The following PDE6B variants were observed in gnomAD, a reference collection of about 807,000 sequenced individuals.
The protein encoded by PDE6B is rod cGMP-specific 3',5'-cyclic phosphodiesterase subunit beta.
Under a neutral mutation model 109.0 loss-of-function variants are expected in PDE6B, and 106 were observed. The ratio of observed to expected loss-of-function variants is 0.97; its 90% CI spans 0.83 to 1.14. The LOEUF (loss-of-function observed/expected upper bound fraction) is 1.14, where lower values mean the gene tolerates loss of function less well. PDE6B is among the 50% of genes most tolerant of loss of function. PDE6B has a pLI of 0.00. For synonymous variants in PDE6B, 490 were observed against 471.3 expected, an observed-to-expected ratio of 1.04 and a Z score of -0.51; for missense variants, 1,193 against 1,155.6, an observed-to-expected ratio of 1.03 and a Z score of -0.47.
rs1308417536 is a variant in PDE6B at position 645,316 on chromosome 4, G to A, written c.712-8536G>A. On this transcript the variant is annotated intron_variant, in intron 3 of 21. Coordinates refer to ENST00000496514, the MANE Select transcript of PDE6B (RefSeq NM_000283.4). The stretch of plus-strand genomic sequence containing the variant: ...TTTTTTTTTTTTTTTTTTTTTTTGA[G>A]ACGGAGTCTCGCTCTGTCGCCCAGG... 2.4e-4 allele frequency among the ~76,000 whole-genome samples: 30 copies of A among 125,340 alleles called. No individual in the cohort carries two copies. The Admixed American group carries it at 2.4e-3, about 10-fold the overall frequency. 82.2% of individuals were successfully genotyped at this position (125,340 alleles called of 152,430 possible).
intron 8 of PDE6B, 140 bp downstream of exon 8, chr4:656,432 C>T (rs1736250903): frequency 1.4e-6 from 1 of 729,282 alleles, no homozygotes; most frequent in Admixed American, 1.9e-5. Context: ...GTAATCCCAG[C>T]ACTTTGGGAG....
rs1734100778 is a variant in PDE6B, at chr4:626,293, CT to C, written c.468+200del. The stretch of plus-strand genomic sequence containing the variant: ...GCCGCCTGCCTCTCCGACTCGGCTT[CT>C]GGCTCAAGCTGACATCGCATGGCCA... On this transcript the variant is annotated intron_variant, in intron 1 of 21. Transcript: ENST00000496514. This position sits in a 1 kb window ranked among gnomAD's most constrained non-coding sequence, Gnocchi z 4.6. 6.6e-6 allele frequency among the ~76,000 whole-genome samples: 1 copy of C among 152,222 alleles called. No individual in the cohort carries two copies. Among genetic ancestry groups the C allele is most frequent in the African/African-American group, 2.4e-5 (1 of 41,464 alleles).
Position 668,206 on chromosome 4 carries a change from G to A in PDE6B, c.2503+200G>A, listed in dbSNP as rs138744450. Among the ~76,000 whole-genome samples, 538 of 152,010 alleles carry A rather than the reference G, an allele frequency of 3.5e-3. 3 individuals carry two copies. Among genetic ancestry groups the A allele is most frequent in the African/African-American group, 0.012 (505 of 41,390 alleles). On this transcript the variant is annotated intron_variant, in intron 21 of 21. Transcript: ENST00000496514. ...CTGACTCCACCTCGGTAGCAAACCC[G>A]GACTGAAAAATTTCCTCTGTTCCTA...
At chr4:640,541 G>GA (rs964493372) in intron 3 of PDE6B, among the ~76,000 whole-genome samples, 341 of 149,566 alleles carry the variant, frequency 2.3e-3, no homozygotes, top group African/African-American at 7.6e-3. Flanking sequence ...TCCATCTTGG[G>GA]AAAAAAAAAA....
chr4:665,232 C>T lies in PDE6B; in HGVS notation c.2194-23C>T, dbSNP rs1737659193. ...CCGCGTGGGCTCAGAGCTCCACAGACAGCTGCCTTCCTGTGCCTCCAGGTC... is the reference window on the plus strand; with the variant it reads ...CCGCGTGGGCTCAGAGCTCCACAGATAGCTGCCTTCCTGTGCCTCCAGGTC... On this transcript the variant is annotated intron_variant, in intron 18 of 21. Coordinates refer to ENST00000496514, the MANE Select transcript of PDE6B (RefSeq NM_000283.4). The surrounding 1 kb of genome is among the most constrained non-coding windows in gnomAD (Gnocchi z 4.0). 1 of 1,584,956 alleles carries T rather than the reference C, an allele frequency of 6.3e-7. No homozygotes were observed. Among genetic ancestry groups the T allele is most frequent in the Non-Finnish European group, 8.7e-7 (1 of 1,154,726 alleles).
intron 6 of PDE6B, chr4:655,160 G>A: frequency 1.9e-6 from 1 of 539,544 alleles, no homozygotes; most frequent in South Asian, 2.0e-5. Context: ...GACATACAGG[G>A]GACCAGGCAA....
chr4:655,187 C>A (rs183454030), intron 6 of PDE6B: 1 of 480,396 alleles, frequency 2.1e-6, no homozygotes, highest in African/African-American at 2.0e-5. Context: ...CAGGCGGCCT[C>A]GTCAGCAACA....
Position 634,708 on chromosome 4 carries a change from T to G in PDE6B, c.500T>G (p.Leu167Arg). 1 of 1,612,758 alleles carries G rather than the reference T, an allele frequency of 6.2e-7. No homozygotes were observed. The highest frequency in any genetic ancestry group is 8.5e-7 in the Non-Finnish European group (1 of 1,178,762). Residue 167 changes from leucine to arginine, a missense_variant, in exon 2 of 22, where the codon CTC (leucine) becomes CGC (arginine). Leu to Arg is a moderately radical substitution (Grantham distance 102). Transcript: ENST00000496514. ...CACTTCAGCTCATTTGCTGACGAGC[T>G]CACTGACTACAAGACAAAGAATATG... Reference protein sequence around the residue: ...CPHFSSFADELTDYKTKNMLA... With the variant: ...CPHFSSFADERTDYKTKNMLA...
chr4:646,484 T>G (rs1046932125), intron 3 of PDE6B, among the ~76,000 whole-genome samples: 1 of 152,026 alleles, frequency 6.6e-6, no homozygotes, highest in Non-Finnish European at 1.5e-5. Flanking sequence ...CTGAGCATCC[T>G]AGACGCGCGG....
chr4:643,918 CTT>C (rs57739128), intron 3 of PDE6B, among the ~76,000 whole-genome samples: 10 of 107,720 alleles, frequency 9.3e-5, no homozygotes, highest in East Asian at 2.4e-4. Context: ...AGTTCAAAAT[CTT>C]TTTTTTTTTT....
Position 663,254 on chromosome 4 carries a change from C to A in PDE6B, c.1920+67C>A. The A allele has an allele frequency of 1.1e-6, 1 of 909,870 alleles. No individual in the cohort carries two copies. Among genetic ancestry groups the A allele is most frequent in the Non-Finnish European group, 1.9e-6 (1 of 538,066 alleles). 56.4% of individuals were successfully genotyped at this position (909,870 alleles called of 1,614,324 possible). On this transcript the variant is annotated intron_variant, in intron 15 of 21. Coordinates refer to ENST00000496514, the MANE Select transcript of PDE6B (RefSeq NM_000283.4). The surrounding 1 kb of genome is among the most constrained non-coding windows in gnomAD (Gnocchi z 4.0). ...ACGCAGCGTCCGCAGGACGGCAGGG[C>A]CGTATCCTGCGGAGCAGGGTTCTGA...
intron 3 of PDE6B, among the ~76,000 whole-genome samples, chr4:651,036 CTGT>C (rs1735489248): frequency 2.0e-5 from 3 of 151,942 alleles, no homozygotes; most frequent in African/African-American, 7.3e-5. Context: ...GGCAGTGGGG[CTGT>C]CACAGGCAGG....
In PDE6B at chr4:663,614, G is replaced by A; in HGVS notation, c.1921-156G>A. On this transcript the variant is annotated intron_variant, in intron 15 of 21. Transcript: ENST00000496514. The surrounding 1 kb of genome is among the most constrained non-coding windows in gnomAD (Gnocchi z 4.0). ...GTGGAGAGCTGGGCACCCTGAGGAG[G>A]GCCCTGAGCAGCAGGCGGATTAGGG... The A allele has an allele frequency of 1.5e-6, 1 of 677,028 alleles. No homozygotes were observed. The highest frequency in any genetic ancestry group is 2.7e-6 in the Non-Finnish European group (1 of 370,604). 41.9% of individuals were successfully genotyped at this position (677,028 alleles called of 1,614,324 possible). A position where few individuals can be genotyped will look rare whatever the true frequency, so the allele number is the denominator to read the frequency against.
chr4:664,498 A>G (rs1055105559), intron 17 of PDE6B, among the ~76,000 whole-genome samples: 2 of 152,120 alleles, frequency 1.3e-5, no homozygotes, highest in African/African-American at 4.8e-5. Flanking sequence ...CACCTGTAAA[A>G]TGGTGATTCA....
chr4:669,898 G>T, intron 21 of PDE6B, 148 bp from the exon 22 acceptor site: 1 of 734,188 alleles, frequency 1.4e-6, no homozygotes. Flanking sequence ...GAAAGGCTCA[G>T]CCCAGCTAAT....
At position 663,036 on chromosome 4, in the gene PDE6B, T is replaced by C; in HGVS notation, c.1833-64T>C. The stretch of plus-strand genomic sequence containing the variant: ...GAAAGTGGGGCCCATCTGGGGGGGC[T>C]GCAGAGCGCAGGGTGGGCCAAGGGC... On this transcript the variant is annotated intron_variant, in intron 14 of 21. Coordinates refer to ENST00000496514, the MANE Select transcript of PDE6B (RefSeq NM_000283.4). The surrounding 1 kb of genome is among the most constrained non-coding windows in gnomAD (Gnocchi z 4.0). 1 of 911,898 alleles carries C rather than the reference T, an allele frequency of 1.1e-6. No individual in the cohort carries two copies. The highest frequency in any genetic ancestry group is 1.7e-5 in the Admixed American group (1 of 59,076). The allele number at this position is 911,898 out of a possible 1,614,324, so 56.5% of individuals were successfully genotyped here.
intron 6 of PDE6B, chr4:655,195 A>G (rs112554980): frequency 0.01 from 4,813 of 460,664 alleles, 191 homozygotes; most frequent in African/African-American, 0.088. Context: ...CTCGTCAGCA[A>G]CAATTGAGCA....
At chr4:639,683 T>G (rs545196659) in intron 3 of PDE6B, among the ~76,000 whole-genome samples, 9 of 152,182 alleles carry the variant, frequency 5.9e-5, no homozygotes, top group Admixed American at 2.0e-4. Flanking sequence ...TCAAAAGTGA[T>G]GCTGAGGCCG....
chr4:641,912 G>C (rs949995014), intron 3 of PDE6B, among the ~76,000 whole-genome samples: 1 of 152,136 alleles, frequency 6.6e-6, no homozygotes, highest in African/African-American at 2.4e-5. Context: ...CTCCCAAAGT[G>C]CTGGAATTAC....
Sources: allele counts gnomAD v4.1 joint callset (sites outside exome capture counted in the v4.1 genomes callset), GRCh38; gene constraint gnomAD v4.1.1; non-coding constraint Gnocchi (gnomAD v3.1); transcripts MANE v1.5; gene names NCBI Gene and HGNC (gene_info 2026-07-23, HGNC 2026-07-21).